Variants in FAM3C observed in about 807,000 individuals in gnomAD.
FAM3C encodes the protein protein FAM3C.
Under a neutral mutation model 32.5 loss-of-function variants are expected in FAM3C, and 15 were observed. The observed-to-expected ratio is 0.46, with a 90% CI of 0.31 to 0.71. FAM3C has a LOEUF of 0.71. FAM3C is among the 30% of genes least tolerant of loss of function. FAM3C has a pLI of 0.05. For missense variants in FAM3C, 175 were observed against 274.4 expected (o/e 0.64, Z 2.56); for synonymous variants, 75 against 86.1 (o/e 0.87, Z 0.72).
intron 3 of FAM3C, among the ~76,000 whole-genome samples, chr7:121,372,479 T>A (rs1340930995): frequency 6.6e-6 from 1 of 152,162 alleles, no homozygotes; most frequent in East Asian, 1.9e-4. Context: ...ATTTGGTGAA[T>A]ATGATGGTGT....
At chr7:121,358,285 TA>T (rs1562883915) in intron 8 of FAM3C, among the ~76,000 whole-genome samples, 2 of 152,174 alleles carry the variant, frequency 1.3e-5, no homozygotes, top group East Asian at 1.9e-4. Context: ...AATCAATACA[TA>T]AAAATACAAA....
At position 121,382,996 on chromosome 7, in the gene FAM3C, T is replaced by C; in HGVS notation, c.-27A>G. 1 of 1,585,050 alleles carries C rather than the reference T, an allele frequency of 6.3e-7. No individual in the cohort carries two copies. The highest frequency in any genetic ancestry group is 8.6e-7 in the Non-Finnish European group (1 of 1,157,342). On this transcript the variant is annotated 5_prime_UTR_variant, in exon 2 of 10. Transcript: ENST00000359943. ...TTTGGTTTTTCAGTTTATGGCACTT[T>C]TCATTAATATGCTCCTAAAAAATCA...
Position 121,364,141 on chromosome 7 carries a change from G to A in FAM3C, c.320C>T (p.Ala107Val), listed in dbSNP as rs1344654118. The stretch of plus-strand genomic sequence containing the variant: ...ATAATTGTTCTTACCATTTGCCAAG[G>A]CAACATTGATCCCTCTTCCAACATT... ...KNNVGRGINV[A>V]LANGKTGEVL... Residue 107 changes from alanine (A) to valine (V), a missense_variant, in exon 6 of 10, where the codon GCC (alanine) becomes GTC (valine). Transcript: ENST00000359943. 2 of 1,599,294 alleles carry A rather than the reference G, an allele frequency of 1.3e-6. No homozygotes were observed. The highest frequency in any genetic ancestry group is 4.5e-5 in the East Asian group (2 of 44,748).
intron 5 of FAM3C, among the ~76,000 whole-genome samples, chr7:121,366,972 T>C (rs1415688636): frequency 1.3e-5 from 2 of 152,094 alleles, no homozygotes; most frequent in Non-Finnish European, 2.9e-5. Flanking sequence ...CTGAAATCTA[T>C]CATAAAGCAA....
At chr7:121,385,632 A>G (rs1794450587) in intron 1 of FAM3C, among the ~76,000 whole-genome samples, 1 of 152,234 alleles carries the variant, frequency 6.6e-6, no homozygotes, top group Non-Finnish European at 1.5e-5. Flanking sequence ...TTGTTCTAGA[A>G]TAAATTAACT....
chr7:121,394,345 A>G (rs973315421), intron 1 of FAM3C, among the ~76,000 whole-genome samples: 1 of 152,226 alleles, frequency 6.6e-6, no homozygotes, highest in African/African-American at 2.4e-5. Flanking sequence ...ATAAATTATG[A>G]AAGATTAGTT....
intron 1 of FAM3C, among the ~76,000 whole-genome samples, chr7:121,386,604 T>C (rs991825428): frequency 5.9e-5 from 9 of 151,642 alleles, no homozygotes; most frequent in African/African-American, 2.2e-4. Flanking sequence ...TATACCTGTA[T>C]ATAAATGAAG....
chr7:121,369,304 T>A (rs916894955), intron 5 of FAM3C, among the ~76,000 whole-genome samples: 2 of 152,128 alleles, frequency 1.3e-5, no homozygotes, highest in Non-Finnish European at 2.9e-5. Context: ...TATAAGTACG[T>A]ATTTTTTTTA....
At chr7:121,371,165 C>G in intron 5 of FAM3C, 135 bp downstream of exon 5, 1 of 1,088,780 alleles carries the variant, frequency 9.2e-7, no homozygotes, top group Non-Finnish European at 1.3e-6. Context: ...GAGAAAAAAA[C>G]TACATAACAA....
At chr7:121,392,063 A>C (rs1399282800) in intron 1 of FAM3C, among the ~76,000 whole-genome samples, 1 of 152,200 alleles carries the variant, frequency 6.6e-6, no homozygotes, top group Non-Finnish European at 1.5e-5. Context: ...TCTTTGCTTT[A>C]CATCTGTGAC....
At chr7:121,376,641 GTTTCAGATTTTGGAGCA>G in intron 3 of FAM3C, among the ~76,000 whole-genome samples, 1 of 152,256 alleles carries the variant, frequency 6.6e-6, no homozygotes, top group African/African-American at 2.4e-5. Context: ...TGTTCAAAAA[GTTTCAGATTTTGGAGCA>G]TTTCAGATTT....
chr7:121,363,733 C>T (rs1793970633), intron 6 of FAM3C, among the ~76,000 whole-genome samples: 2 of 152,234 alleles, frequency 1.3e-5, no homozygotes, highest in Admixed American at 1.3e-4. Context: ...AAGAATGTGG[C>T]TGATAATGAA....
chr7:121,395,668 CT>C (rs1339833980), intron 1 of FAM3C, among the ~76,000 whole-genome samples: 1 of 152,072 alleles, frequency 6.6e-6, no homozygotes, highest in Non-Finnish European at 1.5e-5. Context: ...GGCTGGATAG[CT>C]TGTAAAAAAC....
intron 9 of FAM3C, among the ~76,000 whole-genome samples, chr7:121,350,927 C>T (rs763322223): frequency 3.9e-5 from 6 of 152,048 alleles, no homozygotes; most frequent in Non-Finnish European, 7.4e-5. Context: ...AATGCATTGT[C>T]CTGTAGGAAA....
intron 8 of FAM3C, among the ~76,000 whole-genome samples, chr7:121,354,871 G>GA (rs1046739931): frequency 2.6e-5 from 4 of 152,030 alleles, no homozygotes; most frequent in Non-Finnish European, 5.9e-5. Context: ...AACACTTCCA[G>GA]AAAAAAATGG....
intron 1 of FAM3C, among the ~76,000 whole-genome samples, chr7:121,384,901 T>C (rs751954957): frequency 7.2e-5 from 11 of 152,212 alleles, no homozygotes; most frequent in Non-Finnish European, 1.3e-4. Flanking sequence ...GGAGCATCTA[T>C]GTATGATGAT....
intron 1 of FAM3C, 76 bp from the exon 2 acceptor site, chr7:121,383,086 G>C (rs973129784): frequency 1.3e-6 from 1 of 754,384 alleles, no homozygotes; most frequent in African/African-American, 1.8e-5. Context: ...TTTGAAATGG[G>C]GCATATAAAC....
chr7:121,385,807 G>A (rs753515158), intron 1 of FAM3C, among the ~76,000 whole-genome samples: 30 of 152,098 alleles, frequency 2.0e-4, no homozygotes, highest in Non-Finnish European at 3.5e-4. Context: ...CATAAACCAA[G>A]TATGAATACA....
At chr7:121,373,794 G>A (rs1469240167) in intron 3 of FAM3C, among the ~76,000 whole-genome samples, 1 of 151,898 alleles carries the variant, frequency 6.6e-6, no homozygotes, top group African/African-American at 2.4e-5. Context: ...AGGCTGAGGC[G>A]GGTGGATCAT....
Sources: allele counts gnomAD v4.1 joint callset (sites outside exome capture counted in the v4.1 genomes callset), GRCh38; gene constraint gnomAD v4.1.1; transcripts MANE v1.5; gene names NCBI Gene and HGNC (gene_info 2026-07-23, HGNC 2026-07-21).